The following RAPGEF6 variants were observed in gnomAD, a reference collection of about 807,000 sequenced individuals.
RAPGEF6 encodes PDZ domain containing guanine nucleotide exchange factor (GEF) 2.
A neutral mutation model predicts 171.4 loss-of-function variants in RAPGEF6; 56 were observed. The observed-to-expected ratio is 0.33, with a 90% CI of 0.26 to 0.41. The LOEUF (loss-of-function observed/expected upper bound fraction) is 0.41. RAPGEF6 is among the 10% of genes least tolerant of loss of function. The pLI, the probability that RAPGEF6 is intolerant of heterozygous loss-of-function variation, is 1.00. For synonymous variants in RAPGEF6, 692 were observed against 650.1 expected (o/e 1.06, Z -0.98); for missense variants, 1,674 against 1,921.4 (o/e 0.87, Z 2.41).
At chr5:131,541,965 A>G (rs1417205186) in intron 6 of RAPGEF6, among the ~76,000 whole-genome samples, 1 of 83,880 alleles carries the variant, frequency 1.2e-5, no homozygotes, top group Non-Finnish European at 2.7e-5. Context: ...ATTGGCTTCT[A>G]GCTACACATT....
intron 6 of RAPGEF6, among the ~76,000 whole-genome samples, chr5:131,539,594 T>A (rs1262722547): frequency 6.6e-6 from 1 of 152,124 alleles, no homozygotes; most frequent in Admixed American, 6.6e-5. Context: ...ACACACTCCA[T>A]AAAAGCGAAA....
chr5:131,508,287 C>T, intron 8 of RAPGEF6, 80 bp from the exon 9 acceptor site: 1 of 1,298,590 alleles, frequency 7.7e-7, no homozygotes, highest in Non-Finnish European at 1.0e-6. Context: ...GAATTCAATT[C>T]CCAATTTCAC....
chr5:131,463,865 C>T, intron 18 of RAPGEF6, 176 bp downstream of exon 18: 1 of 1,309,360 alleles, frequency 7.6e-7, no homozygotes, highest in Non-Finnish European at 9.7e-7. Context: ...TAGATTATAT[C>T]AGTGGTTCTA....
At chr5:131,524,478 T>C (rs1758721712) in intron 6 of RAPGEF6, among the ~76,000 whole-genome samples, 2 of 151,018 alleles carry the variant, frequency 1.3e-5, no homozygotes, top group Admixed American at 6.6e-5. Flanking sequence ...GAGGGGAAAA[T>C]ATTAAATAAT....
chr5:131,574,126 T>C (rs1360873264), intron 4 of RAPGEF6, among the ~76,000 whole-genome samples: 3 of 152,182 alleles, frequency 2.0e-5, no homozygotes, highest in South Asian at 2.1e-4. Flanking sequence ...AACCTCCTCA[T>C]GGACCTTGCT....
At chr5:131,624,364 T>C (rs1283633054) in intron 1 of RAPGEF6, among the ~76,000 whole-genome samples, 1 of 152,122 alleles carries the variant, frequency 6.6e-6, no homozygotes, top group Non-Finnish European at 1.5e-5. Flanking sequence ...AGAAGAGATT[T>C]TAGTGTCAGG....
chr5:131,567,066 C>G (rs1761992203), intron 4 of RAPGEF6, among the ~76,000 whole-genome samples: 1 of 149,966 alleles, frequency 6.7e-6, no homozygotes, highest in African/African-American at 2.5e-5. Context: ...TGCACTCCAG[C>G]CTGGGCGACA....
At chr5:131,456,084 C>A (rs372310687) in intron 19 of RAPGEF6, 72 bp from the exon 20 acceptor site, 3 of 1,042,386 alleles carry the variant, frequency 2.9e-6, no homozygotes, top group Non-Finnish European at 4.3e-6. Context: ...AGCATATACA[C>A]CATTTTCTCT....
At chr5:131,541,593 G>A (rs955407018) in intron 6 of RAPGEF6, among the ~76,000 whole-genome samples, 1 of 151,792 alleles carries the variant, frequency 6.6e-6, no homozygotes, top group Non-Finnish European at 1.5e-5. Flanking sequence ...CTGGCTTCAG[G>A]TGATTCTTCC....
chr5:131,523,193 A>G (rs913141114), intron 6 of RAPGEF6, among the ~76,000 whole-genome samples: 2 of 151,836 alleles, frequency 1.3e-5, no homozygotes, highest in Admixed American at 6.5e-5. Flanking sequence ...TCTTTAATAT[A>G]TACCAGGGGT....
intron 13 of RAPGEF6, among the ~76,000 whole-genome samples, chr5:131,494,191 G>C (rs1756477073): frequency 6.6e-6 from 1 of 152,186 alleles, no homozygotes; most frequent in Admixed American, 6.5e-5. Context: ...ATAAGATCAG[G>C]CAATGTCTGA....
At chr5:131,524,616 G>A (rs978183738) in intron 6 of RAPGEF6, among the ~76,000 whole-genome samples, 1 of 22,388 alleles carries the variant, frequency 4.5e-5, no homozygotes, top group African/African-American at 7.3e-5. Flanking sequence ...GATTGAGAGA[G>A]AGAGAGAGAG....
At chr5:131,450,135 C>T in intron 21 of RAPGEF6, 1 of 1,329,756 alleles carries the variant, frequency 7.5e-7, no homozygotes, top group Non-Finnish European at 1.0e-6. Flanking sequence ...AGAAACTATG[C>T]AGACAGAAAA....
At chr5:131,501,775 T>G (rs75342338) in intron 11 of RAPGEF6, among the ~76,000 whole-genome samples, 2 of 151,874 alleles carry the variant, frequency 1.3e-5, no homozygotes, top group African/African-American at 4.8e-5. Context: ...TAGAAGGGAA[T>G]AGACTAGGGA....
chr5:131,456,639 C>A (rs764869131), intron 19 of RAPGEF6, among the ~76,000 whole-genome samples: 1 of 152,164 alleles, frequency 6.6e-6, no homozygotes, highest in Non-Finnish European at 1.5e-5. Context: ...AATCCTTTAC[C>A]TCTACAGTAC....
At chr5:131,591,010 T>A (rs1763554913) in intron 4 of RAPGEF6, among the ~76,000 whole-genome samples, 1 of 152,216 alleles carries the variant, frequency 6.6e-6, no homozygotes, top group South Asian at 2.1e-4. Flanking sequence ...AGAACTACTA[T>A]ATATTTATAA....
intron 4 of RAPGEF6, among the ~76,000 whole-genome samples, chr5:131,585,351 C>T (rs1323543305): frequency 1.3e-5 from 2 of 150,590 alleles, no homozygotes; most frequent in African/African-American, 4.9e-5. Context: ...TCTCCATGGC[C>T]TTGTGAAAGC....
intron 11 of RAPGEF6, among the ~76,000 whole-genome samples, chr5:131,500,550 A>G (rs1335877039): frequency 4.6e-5 from 7 of 152,198 alleles, no homozygotes; most frequent in African/African-American, 1.4e-4. Context: ...ACTAAAATCT[A>G]TCTTACCTCA....
chr5:131,533,696 G>T (rs986843808), intron 6 of RAPGEF6, among the ~76,000 whole-genome samples: 1 of 152,028 alleles, frequency 6.6e-6, no homozygotes, highest in African/African-American at 2.4e-5. Flanking sequence ...AATAGTTGCA[G>T]CATGCACCTA....
Sources: allele counts gnomAD v4.1 joint callset (sites outside exome capture counted in the v4.1 genomes callset), GRCh38; gene constraint gnomAD v4.1.1; transcripts MANE v1.5; gene names NCBI Gene and HGNC (gene_info 2026-07-23, HGNC 2026-07-21).